Variants in SHB observed in about 807,000 individuals in gnomAD.
The protein encoded by SHB is SH2 domain containing adaptor protein B, also known as SH2 domain-containing adapter protein B.
SHB carries 20 observed loss-of-function variants against 52.3 expected under a neutral mutation model. That is an observed-to-expected ratio of 0.38 (90% CI 0.27 to 0.56). The LOEUF is 0.56. SHB is among the 20% of genes least tolerant of loss of function. The pLI, the probability that SHB is intolerant of heterozygous loss-of-function variation, is 0.71. For missense variants in SHB, 825 were observed against 723.3 expected (o/e 1.14, Z -1.61); for synonymous variants, 397 against 316.5 (o/e 1.25, Z -2.70).
intron 2 of SHB, among the ~76,000 whole-genome samples, chr9:37,993,305 G>A (rs1422499120): frequency 1.3e-5 from 2 of 152,140 alleles, no homozygotes; most frequent in Non-Finnish European, 2.9e-5. Flanking sequence ...GGAAGTCACA[G>A]GAAGAAAAAC....
At chr9:38,053,703 CCCAGACAGGG>C (rs1383077997) in intron 1 of SHB, among the ~76,000 whole-genome samples, 1 of 152,060 alleles carries the variant, frequency 6.6e-6, no homozygotes, top group Non-Finnish European at 1.5e-5. Context: ...ACATCATCAG[CCCAGACAGGG>C]CAACCCCACT....
rs139057364 is a variant in SHB, at chr9:37,975,617, T to A, written c.839-780A>T. 3.7e-3 allele frequency among the ~76,000 whole-genome samples: 556 copies of A among 152,280 alleles called. 18 individuals carry two copies. In the East Asian group the frequency reaches 0.071, roughly 20 times the overall value. ...CTGCTCAGTCCTGGGAGGCCAGTAG[T>A]GGCTGGAAGGATGGATGCTAGGATG... is the stretch of plus-strand genomic sequence containing the variant. On this transcript the variant is annotated intron_variant, in intron 2 of 5. Transcript: ENST00000377707.
intron 1 of SHB, among the ~76,000 whole-genome samples, chr9:38,047,815 A>G (rs2118157453): frequency 6.6e-6 from 1 of 152,350 alleles, no homozygotes; most frequent in Non-Finnish European, 1.5e-5. Flanking sequence ...TGTGAGTTGC[A>G]GCTTCCTGTG....
At chr9:38,027,042 T>G (rs1252902786) in intron 1 of SHB, among the ~76,000 whole-genome samples, 2 of 152,200 alleles carry the variant, frequency 1.3e-5, no homozygotes, top group Non-Finnish European at 2.9e-5. Flanking sequence ...TGAAGGGCCC[T>G]TCCCACCCTG....
chr9:37,998,297 G>A (rs1158804525), intron 2 of SHB, among the ~76,000 whole-genome samples: 1 of 152,070 alleles, frequency 6.6e-6, no homozygotes, highest in Non-Finnish European at 1.5e-5. Flanking sequence ...TGGGCTTCCT[G>A]ACCACCAAGG....
At chr9:38,067,034 G>A (rs572570638) in intron 1 of SHB, among the ~76,000 whole-genome samples, 3 of 152,298 alleles carry the variant, frequency 2.0e-5, no homozygotes, top group South Asian at 2.1e-4. Context: ...GGAAGGGAGG[G>A]CTTCACAGGA....
At chr9:38,011,863 G>A (rs763554204) in intron 2 of SHB, among the ~76,000 whole-genome samples, 2 of 152,182 alleles carry the variant, frequency 1.3e-5, no homozygotes, top group Non-Finnish European at 2.9e-5. Context: ...GTTCCATAGA[G>A]CTGTAGGGTT....
intron 1 of SHB, among the ~76,000 whole-genome samples, chr9:38,051,144 A>C (rs1414408509): frequency 6.6e-6 from 1 of 152,132 alleles, no homozygotes; most frequent in Non-Finnish European, 1.5e-5. Context: ...TCGAAGTTGC[A>C]CACAAAATTC....
At chr9:37,956,201 A>T in intron 3 of SHB, 147 bp from the exon 4 acceptor site, 1 of 741,226 alleles carries the variant, frequency 1.3e-6, no homozygotes, top group East Asian at 2.7e-5. Flanking sequence ...AACATGGCAC[A>T]AAAGATTTTG....
At chr9:37,931,958 G>T (rs936915737) in intron 5 of SHB, among the ~76,000 whole-genome samples, 2 of 151,808 alleles carry the variant, frequency 1.3e-5, no homozygotes, top group African/African-American at 2.4e-5. Context: ...GGACATTAGG[G>T]GCAGTGAAAT....
chr9:38,022,622 C>T (rs1407055067), intron 1 of SHB, among the ~76,000 whole-genome samples: 1 of 149,376 alleles, frequency 6.7e-6, no homozygotes, highest in African/African-American at 2.6e-5. Context: ...TCCTTTGGGA[C>T]CCCCCCATAA....
chr9:37,981,658 T>C (rs1214575704), intron 2 of SHB, among the ~76,000 whole-genome samples: 1 of 152,256 alleles, frequency 6.6e-6, no homozygotes, highest in Non-Finnish European at 1.5e-5. Context: ...TGACATGACT[T>C]CTGCACTAGG....
At chr9:37,927,269 C>G (rs1053845127) in intron 5 of SHB, among the ~76,000 whole-genome samples, 1 of 152,208 alleles carries the variant, frequency 6.6e-6, no homozygotes, top group Non-Finnish European at 1.5e-5. Context: ...GGCCACGTGG[C>G]CAACACCTGC....
At chr9:38,006,625 TCTCTCACAGCTGC>T (rs918303590) in intron 2 of SHB, among the ~76,000 whole-genome samples, 2 of 152,212 alleles carry the variant, frequency 1.3e-5, no homozygotes, top group Non-Finnish European at 1.5e-5. Flanking sequence ...AATGCACGTT[TCTCTCACAGCTGC>T]CAGGAAAGAC....
At chr9:37,945,085 A>G (rs1157202250) in intron 5 of SHB, among the ~76,000 whole-genome samples, 1 of 152,132 alleles carries the variant, frequency 6.6e-6, no homozygotes. Flanking sequence ...GTGTCCTCTG[A>G]GGCTGAACTC....
intron 5 of SHB, among the ~76,000 whole-genome samples, chr9:37,922,159 A>C (rs1404082546): frequency 6.6e-6 from 1 of 152,246 alleles, no homozygotes; most frequent in Non-Finnish European, 1.5e-5. Context: ...GGTGTCAGGC[A>C]GAGGGTCACA....
intron 2 of SHB, among the ~76,000 whole-genome samples, chr9:38,010,601 C>T (rs1821128121): frequency 6.6e-6 from 1 of 152,204 alleles, no homozygotes; most frequent in African/African-American, 2.4e-5. Context: ...TCCCACAACC[C>T]ACTCTACTTG....
chr9:38,046,779 T>C (rs925266368), intron 1 of SHB, among the ~76,000 whole-genome samples: 6 of 152,254 alleles, frequency 3.9e-5, no homozygotes, highest in African/African-American at 1.4e-4. Context: ...AGTCATATAA[T>C]GTTTGGGCCT....
rs1832144554 is a variant in SHB at position 37,919,297 on chromosome 9, TCA to T, written c.*522_*523del. 1.3e-5 allele frequency: 2 copies of T among 153,472 alleles called. No homozygotes were observed. Among genetic ancestry groups the T allele is most frequent in the Admixed American group, 6.5e-5 (1 of 15,382 alleles). 9.5% of individuals were successfully genotyped at this position (153,472 alleles called of 1,614,324 possible). On this transcript the variant is annotated 3_prime_UTR_variant, in exon 6 of 6. Coordinates refer to ENST00000377707, the MANE Select transcript of SHB (RefSeq NM_003028.3). The stretch of plus-strand genomic sequence containing the variant: ...TGTGACCACCTTCTCACATCTGTAC[TCA>T]CACACACACTCACACAGACACACAT...
Sources: gnomAD v4.1 joint callset for allele counts (sites outside exome capture counted in the v4.1 genomes callset) on GRCh38, gnomAD v4.1.1 for gene constraint, MANE v1.5 for transcripts, NCBI Gene and HGNC (gene_info 2026-07-23, HGNC 2026-07-21) for gene names.